The following SUSD6 variants were observed in gnomAD, a reference collection of about 807,000 sequenced individuals.
SUSD6 encodes sushi domain containing 6.
A neutral mutation model predicts 28.4 loss-of-function variants in SUSD6; 16 were observed. The ratio of observed to expected loss-of-function variants is 0.56; its 90% confidence interval spans 0.38 to 0.86. SUSD6 has a LOEUF of 0.86. Among genes scored for constraint, SUSD6 ranks in the 40% least tolerant of loss-of-function variants. The pLI is 0.00. For synonymous variants in SUSD6, 147 were observed against 159.6 expected (o/e 0.92, Z 0.59); for missense variants, 341 against 384.2 (o/e 0.89, Z 0.94).
At chr14:69,658,375 C>T (rs1044337665) in intron 1 of SUSD6, 138 bp from the exon 2 acceptor site, 2 of 557,974 alleles carry the variant, frequency 3.6e-6, no homozygotes, top group East Asian at 3.2e-5. Flanking sequence ...GTGCTTGCCT[C>T]TCCTGGCAGC....
chr14:69,636,803 C>G (rs1466649291), intron 1 of SUSD6, among the ~76,000 whole-genome samples: 1 of 152,182 alleles, frequency 6.6e-6, no homozygotes, highest in Non-Finnish European at 1.5e-5. Context: ...CTGGGCCTGG[C>G]TCTGTGTCCA....
In SUSD6 at chr14:69,711,259, C is replaced by T. The variant is rs1204524233; in HGVS notation, c.*280C>T. 2.0e-6 allele frequency: 1 copy of T among 498,840 alleles called. No individual in the cohort carries two copies. Among genetic ancestry groups the T allele is most frequent in the South Asian group, 2.5e-5 (1 of 39,514 alleles). 30.9% of individuals were successfully genotyped at this position (498,840 alleles called of 1,614,324 possible). A position where few individuals can be genotyped will look rare whatever the true frequency, so the allele number is the denominator to read the frequency against. The stretch of plus-strand genomic sequence containing the variant: ...TTTGAATGTGCTGGATCAAACCCTC[C>T]CTTTTCCTAAGCCTCTGGGTCCCCT... On this transcript the variant is annotated 3_prime_UTR_variant, in exon 6 of 6. Coordinates refer to ENST00000342745, the MANE Select transcript of SUSD6 (RefSeq NM_014734.4).
intron 1 of SUSD6, among the ~76,000 whole-genome samples, chr14:69,635,322 T>C (rs761422117): frequency 1.3e-5 from 2 of 152,328 alleles, no homozygotes; most frequent in East Asian, 3.9e-4. Flanking sequence ...ATTGCTTCTT[T>C]TGAGAAGGCC....
intron 1 of SUSD6, among the ~76,000 whole-genome samples, chr14:69,645,404 A>C (rs1374679460): frequency 1.3e-5 from 2 of 152,174 alleles, no homozygotes; most frequent in African/African-American, 4.8e-5. Flanking sequence ...CATGAATCCT[A>C]TAGAAGAGGT....
rs778548800 is a variant in SUSD6 at position 69,709,101 on chromosome 14, G to T, written c.883G>T (p.Asp295Tyr). Residue 295 changes from aspartate (D) to tyrosine (Y), a missense_variant, in exon 5 of 6, where the codon GAT becomes TAT. Coordinates refer to ENST00000342745, the MANE Select transcript of SUSD6 (RefSeq NM_014734.4). ...ATCCCTCACGTCAGAGGAGTACACAGATGGTGAGTGGTCCAAGCTGAACAT... is the reference window on the plus strand; with the variant it reads ...ATCCCTCACGTCAGAGGAGTACACATATGGTGAGTGGTCCAAGCTGAACAT... ...LLSLTSEEYT[D>Y]DIPLLKEA is the part of the protein sequence containing the mutation. 2.2e-5 allele frequency: 34 copies of T among 1,575,446 alleles called. No homozygotes were observed. Among genetic ancestry groups the T allele is most frequent in the Non-Finnish European group, 2.8e-5 (32 of 1,159,402 alleles).
intron 1 of SUSD6, among the ~76,000 whole-genome samples, chr14:69,640,785 A>G (rs1232598997): frequency 6.6e-6 from 1 of 152,220 alleles, no homozygotes; most frequent in Non-Finnish European, 1.5e-5. Flanking sequence ...TTATTCTGAT[A>G]TGGGATGAAT....
At chr14:69,703,990 TACTGCTTCCTCCTGTCTTGCATG>T (rs1317385969) in intron 3 of SUSD6, among the ~76,000 whole-genome samples, 1 of 152,188 alleles carries the variant, frequency 6.6e-6, no homozygotes, top group East Asian at 1.9e-4. Context: ...CTCCCACCCT[TACTGCTTCCTCCTGTCTTGCATG>T]ACAGGAAAAT....
intron 1 of SUSD6, among the ~76,000 whole-genome samples, chr14:69,652,308 A>T (rs1363837291): frequency 6.6e-6 from 1 of 152,096 alleles, no homozygotes; most frequent in Admixed American, 6.6e-5. Flanking sequence ...TTAGCCAGTC[A>T]TGGTGGCGTG....
chr14:69,674,454 A>G (rs530264491), intron 2 of SUSD6, among the ~76,000 whole-genome samples: 1 of 151,782 alleles, frequency 6.6e-6, no homozygotes, highest in South Asian at 2.1e-4. Flanking sequence ...ACTCCTCAGC[A>G]CTCTGGCAGA....
chr14:69,625,959 C>T (rs1310636328), intron 1 of SUSD6, among the ~76,000 whole-genome samples: 1 of 152,202 alleles, frequency 6.6e-6, no homozygotes, highest in Non-Finnish European at 1.5e-5. Context: ...GCCTCTCTCC[C>T]TATACCACTT....
chr14:69,635,091 T>G (rs1383532494), intron 1 of SUSD6, among the ~76,000 whole-genome samples: 6 of 152,180 alleles, frequency 3.9e-5, no homozygotes, highest in Non-Finnish European at 8.8e-5. Context: ...ATGATAATGT[T>G]GATGATGATG....
intron 1 of SUSD6, among the ~76,000 whole-genome samples, chr14:69,618,859 T>C (rs914363718): frequency 1.3e-5 from 2 of 152,218 alleles, no homozygotes; most frequent in African/African-American, 4.8e-5. Context: ...AAGATCCAGA[T>C]GCTTCACTGT....
At chr14:69,626,219 G>GCTTCCCAC (rs1338317630) in intron 1 of SUSD6, among the ~76,000 whole-genome samples, 1 of 152,176 alleles carries the variant, frequency 6.6e-6, no homozygotes, top group Non-Finnish European at 1.5e-5. Flanking sequence ...TAAGCCCCCG[G>GCTTCCCAC]CTTCCCACCT....
intron 1 of SUSD6, among the ~76,000 whole-genome samples, chr14:69,621,387 C>T (rs148719758): frequency 4.4e-4 from 67 of 152,218 alleles, no homozygotes; most frequent in African/African-American, 1.5e-3. Flanking sequence ...TAACATTCAC[C>T]AAGTTCACCC....
At chr14:69,696,086 G>A (rs1332085172) in intron 2 of SUSD6, among the ~76,000 whole-genome samples, 1 of 152,210 alleles carries the variant, frequency 6.6e-6, no homozygotes. Flanking sequence ...CATCAAATGG[G>A]GAAATGAGCC....
intron 2 of SUSD6, among the ~76,000 whole-genome samples, chr14:69,687,350 A>T (rs1886088533): frequency 6.6e-6 from 1 of 152,194 alleles, no homozygotes. Flanking sequence ...ACCTCAGGTG[A>T]TCTGCCTGCC....
chr14:69,695,372 CT>C (rs1457862750), intron 2 of SUSD6, among the ~76,000 whole-genome samples: 1 of 152,232 alleles, frequency 6.6e-6, no homozygotes, highest in East Asian at 1.9e-4. Context: ...CCCCTCACAC[CT>C]TGTGCTGTAT....
chr14:69,703,669 C>A, intron 3 of SUSD6, 77 bp downstream of exon 3: 1 of 1,338,946 alleles, frequency 7.5e-7, no homozygotes, highest in Non-Finnish European at 1.1e-6. Flanking sequence ...AGCATGCTTC[C>A]TCCAGAGCAC....
intron 1 of SUSD6, among the ~76,000 whole-genome samples, chr14:69,636,740 C>G (rs558190376): frequency 6.6e-6 from 1 of 152,160 alleles, no homozygotes; most frequent in Non-Finnish European, 1.5e-5. Flanking sequence ...GAGGCCTGGA[C>G]GAGAGCTATT....
Sources: gnomAD v4.1 joint callset for allele counts (sites outside exome capture counted in the v4.1 genomes callset) on GRCh38, gnomAD v4.1.1 for gene constraint, MANE v1.5 for transcripts, NCBI Gene and HGNC (gene_info 2026-07-23, HGNC 2026-07-21) for gene names.